The following SATB2 variants were observed in gnomAD, a reference collection of about 807,000 sequenced individuals.
SATB2 encodes DNA-binding protein SATB2.
In SATB2, 1 loss-of-function variant was observed where a neutral mutation model predicts 73.4. The observed-to-expected ratio is 0.01, with a 90% CI of 0.00 to 0.06. The LOEUF is 0.06. SATB2 is among the 10% of genes least tolerant of loss of function. SATB2 has a pLI of 1.00. For synonymous variants in SATB2, 397 were observed against 367.0 expected (o/e 1.08, Z -0.93); for missense variants, 459 against 945.8 (o/e 0.49, Z 6.75).
intron 3 of SATB2, among the ~76,000 whole-genome samples, chr2:199,403,434 G>A (rs1439796261): frequency 1.3e-5 from 2 of 151,826 alleles, no homozygotes; most frequent in Non-Finnish European, 2.9e-5. Flanking sequence ...AGACTATGAG[G>A]GGCATAAAGC....
At chr2:199,412,245 T>A (rs1690842547) in intron 3 of SATB2, among the ~76,000 whole-genome samples, 1 of 152,168 alleles carries the variant, frequency 6.6e-6, no homozygotes, top group African/African-American at 2.4e-5. Flanking sequence ...TAAAATATGG[T>A]GGTAGCCTCA....
At chr2:199,351,978 C>T (rs1688831665) in intron 6 of SATB2, among the ~76,000 whole-genome samples, 2 of 152,288 alleles carry the variant, frequency 1.3e-5, no homozygotes, top group South Asian at 4.1e-4. Flanking sequence ...TCAAGCTATT[C>T]TCGTGCTCAG....
At chr2:199,273,839 C>CAAAA (rs536723727) in intron 10 of SATB2, among the ~76,000 whole-genome samples, 250 of 152,276 alleles carry the variant, frequency 1.6e-3, no homozygotes, top group Admixed American at 3.1e-3. Flanking sequence ...GGTAAGCTTA[C>CAAAA]TCAAAGGAAC....
chr2:199,313,209 T>TG (rs1687642154), intron 9 of SATB2, among the ~76,000 whole-genome samples: 1 of 152,306 alleles, frequency 6.6e-6, no homozygotes, highest in South Asian at 2.1e-4. Context: ...TACAGTGCAA[T>TG]GATCCCTTCC....
intron 6 of SATB2, among the ~76,000 whole-genome samples, chr2:199,367,532 C>G (rs548296012): frequency 6.6e-5 from 10 of 152,298 alleles, no homozygotes; most frequent in Admixed American, 5.2e-4. Context: ...ACAAGCACTA[C>G]TTTGACATCC....
rs765278258 is a variant in SATB2, at chr2:199,381,721, A to G, written c.446T>C (p.Val149Ala). 6.2e-7 allele frequency: 1 copy of G among 1,614,138 alleles called. No homozygotes were observed. Among genetic ancestry groups the G allele is most frequent in the African/African-American group, 1.3e-5 (1 of 75,050 alleles). ...TTGTAATTGGATTTTCAACGTCACA[A>G]CATGATAGACATCTTGTAGCATGTC... is the stretch of plus-strand genomic sequence containing the variant. Reference protein sequence around the residue: ...VADMLQDVYHVVTLKIQLQSC... With the variant: ...VADMLQDVYHAVTLKIQLQSC... Residue 149 changes from valine (V) to alanine (A), a missense_variant, in exon 4 of 11, where the codon GTT becomes GCT. Coordinates refer to ENST00000417098, the MANE Select transcript of SATB2 (RefSeq NM_001172509.2).
intron 6 of SATB2, among the ~76,000 whole-genome samples, chr2:199,361,659 T>A (rs1689140882): frequency 5.3e-5 from 8 of 152,032 alleles, no homozygotes; most frequent in Admixed American, 5.2e-4. Context: ...ATACGTCAAC[T>A]GGGCTTTCAA....
chr2:199,395,459 T>C (rs1196354500), intron 3 of SATB2, among the ~76,000 whole-genome samples: 1 of 152,192 alleles, frequency 6.6e-6, no homozygotes, highest in Non-Finnish European at 1.5e-5. Flanking sequence ...TGAACATTTC[T>C]TTATCAGTTT....
chr2:199,355,298 A>G (rs932454694), intron 6 of SATB2, among the ~76,000 whole-genome samples: 7 of 149,012 alleles, frequency 4.7e-5, no homozygotes, highest in African/African-American at 1.5e-4. Flanking sequence ...GTGTATATAT[A>G]CAAGGATGTA....
At chr2:199,329,858 G>T (rs1688139165) in intron 7 of SATB2, among the ~76,000 whole-genome samples, 1 of 152,152 alleles carries the variant, frequency 6.6e-6, no homozygotes, top group Non-Finnish European at 1.5e-5. Flanking sequence ...GGGGGTAGGT[G>T]CAGGTCTATT....
At position 199,346,156 on chromosome 2, in the gene SATB2, C is replaced by CT. The variant is rs1050884316; in HGVS notation, c.1173+2544dup. 4.0e-3 allele frequency among the ~76,000 whole-genome samples: 576 copies of CT among 144,928 alleles called. 7 individuals are homozygous for CT. The highest frequency in any genetic ancestry group is 6.1e-3 in the East Asian group (31 of 5,050). On this transcript the variant is annotated intron_variant, in intron 7 of 10. Transcript: ENST00000417098. ...AACTTATTTTTCTTTTTTTCTTTTT[C>CT]TTTTTTTTTTTTGAGACAGAGTCTC...
chr2:199,304,715 G>T (rs1038676001), intron 10 of SATB2, among the ~76,000 whole-genome samples: 2 of 152,172 alleles, frequency 1.3e-5, no homozygotes, highest in South Asian at 2.1e-4. Context: ...AGATCCTGAA[G>T]AACTAGCTTC....
chr2:199,352,699 G>T (rs549587319), intron 6 of SATB2, among the ~76,000 whole-genome samples: 1 of 152,294 alleles, frequency 6.6e-6, no homozygotes, highest in East Asian at 1.9e-4. Context: ...GAAGAACTAG[G>T]TGGAGGAGGG....
intron 3 of SATB2, among the ~76,000 whole-genome samples, chr2:199,417,036 TCACACACACA>T (rs55763647): frequency 8.8e-4 from 127 of 144,264 alleles, no homozygotes; most frequent in South Asian, 5.5e-3. Context: ...ACTCCGTCTC[TCACACACACA>T]CACACACACA....
intron 10 of SATB2, among the ~76,000 whole-genome samples, chr2:199,299,201 G>A (rs1280126483): frequency 1.3e-5 from 2 of 152,122 alleles, no homozygotes; most frequent in Non-Finnish European, 2.9e-5. Context: ...ATTAGGGTTG[G>A]AGTGGACACA....
At position 199,272,629 on chromosome 2, in the gene SATB2, G is replaced by A; in HGVS notation, c.1784C>T (p.Pro595Leu). Residue 595 changes from proline to leucine, a missense_variant, in exon 11 of 11, where the codon CCT (proline) becomes CTT (leucine). Physicochemically the swap from Pro to Leu is moderately conservative, Grantham distance 98 (BLOSUM62 -3). Around this residue, in one of 13 missense-constraint regions of SATB2, gnomAD observed 74 missense variants for 136.1 expected, o/e 0.54. Coordinates refer to ENST00000417098, the MANE Select transcript of SATB2 (RefSeq NM_001172509.2). The surrounding 1 kb of genome is among the most constrained non-coding windows in gnomAD (Gnocchi z 6.7). ...TGGGGGAGGCGCTTCTTCTCTGGGA[G>A]GGGAACTCTCCTTGGCTGGCTGAGA... ...QQSQPAKESSPPREEAPPPPP... is the reference protein window; with the variant it reads ...QQSQPAKESSLPREEAPPPPP... The A allele has an allele frequency of 6.2e-7, 1 of 1,614,122 alleles. No individual in the cohort carries two copies. The highest frequency in any genetic ancestry group is 8.5e-7 in the Non-Finnish European group (1 of 1,180,012).
chr2:199,299,741 T>C (rs1004335913), intron 10 of SATB2, among the ~76,000 whole-genome samples: 1 of 152,028 alleles, frequency 6.6e-6, no homozygotes, highest in Non-Finnish European at 1.5e-5. Flanking sequence ...AGAATAAAAA[T>C]GGCCCATCTT....
upstream of SATB2, among the ~76,000 whole-genome samples, chr2:199,466,049 C>T (rs1235477130): frequency 2.0e-5 from 3 of 152,164 alleles, no homozygotes. Context: ...GTGGTGGGCT[C>T]CCCTTAGTTC....
At chr2:199,390,087 T>TG (rs1553498105) in intron 3 of SATB2, among the ~76,000 whole-genome samples, 4 of 151,970 alleles carry the variant, frequency 2.6e-5, no homozygotes, top group Non-Finnish European at 4.4e-5. Context: ...AAGACCTTAT[T>TG]GAAAAAAAAA....
Sources: gnomAD v4.1 joint callset for allele counts (sites outside exome capture counted in the v4.1 genomes callset) on GRCh38, gnomAD v4.1.1 for gene constraint, gnomAD v4.1.1 regional missense constraint, Gnocchi (gnomAD v3.1) non-coding constraint, MANE v1.5 for transcripts, NCBI Gene and HGNC (gene_info 2026-07-23, HGNC 2026-07-21) for gene names.